LNX1: variants seen among roughly 807,000 people sequenced by gnomAD.
The protein encoded by LNX1 is E3 ubiquitin-protein ligase LNX.
In LNX1, 54 loss-of-function variants were observed where a neutral mutation model predicts 68.4. The observed-to-expected ratio is 0.79, with a 90% CI of 0.63 to 0.99. The LOEUF (loss-of-function observed/expected upper bound fraction) is 0.99, where lower values mean the gene tolerates loss of function less well. Among genes scored for constraint, LNX1 ranks in the 50% least tolerant of loss-of-function variants. LNX1 has a pLI of 0.00. For synonymous variants in LNX1, 336 were observed against 350.0 expected, an observed-to-expected ratio of 0.96 and a Z score of 0.45; for missense variants, 906 against 926.4, an observed-to-expected ratio of 0.98 and a Z score of 0.29.
intron 2 of LNX1, among the ~76,000 whole-genome samples, chr4:53,554,288 G>A (rs567360636): frequency 4.6e-5 from 7 of 152,326 alleles, no homozygotes; most frequent in African/African-American, 1.7e-4. Flanking sequence ...CCAGTTCTGG[G>A]TCTGCTCTTC....
rs746293684 is a variant in LNX1 at position 53,591,466 on chromosome 4, T to A, written c.-165A>T. On this transcript the variant is annotated 5_prime_UTR_variant, in exon 1 of 11. Transcript: ENST00000263925. ...ATTCCTTGTGGGTGAACCGAGCAGCTCCTTGGGCCGCCGGAGTTGTGACCA... is the reference window on the plus strand; with the variant it reads ...ATTCCTTGTGGGTGAACCGAGCAGCACCTTGGGCCGCCGGAGTTGTGACCA... 10 of 985,674 alleles carry A rather than the reference T, an allele frequency of 1.0e-5. No homozygotes were observed. Among genetic ancestry groups the A allele is most frequent in the Non-Finnish European group, 1.2e-5 (10 of 830,194 alleles). The allele number at this position is 985,674 out of a possible 1,614,324, so 61.1% of individuals were successfully genotyped here. A position where few individuals can be genotyped will look rare whatever the true frequency, so the allele number is the denominator to read the frequency against.
intron 1 of LNX1, among the ~76,000 whole-genome samples, chr4:53,574,638 C>CT (rs1194769029): frequency 6.6e-6 from 1 of 152,196 alleles, no homozygotes; most frequent in Non-Finnish European, 1.5e-5. Flanking sequence ...ATGCATTTCA[C>CT]TCAGTTGGTC....
At chr4:53,476,275 G>A (rs1341194859) in intron 9 of LNX1, among the ~76,000 whole-genome samples, 2 of 152,160 alleles carry the variant, frequency 1.3e-5, no homozygotes, top group African/African-American at 4.8e-5. Flanking sequence ...TCTAGCCTGG[G>A]TGACAGAGCA....
intron 1 of LNX1, among the ~76,000 whole-genome samples, chr4:53,623,468 A>G (rs1733960176): frequency 6.6e-6 from 1 of 152,054 alleles, no homozygotes. Flanking sequence ...ACATGAGCTC[A>G]GGTGATCCAC....
upstream of LNX1, among the ~76,000 whole-genome samples, chr4:53,619,273 C>G (rs1733783952): frequency 6.6e-6 from 1 of 152,144 alleles, no homozygotes; most frequent in African/African-American, 2.4e-5. Context: ...AAAATATATA[C>G]AAACACTATT....
intron 1 of LNX1, among the ~76,000 whole-genome samples, chr4:53,638,986 A>G (rs546597164): frequency 3.9e-5 from 6 of 152,324 alleles, no homozygotes; most frequent in African/African-American, 1.2e-4. Context: ...CATTACAGAT[A>G]TATATCCAAA....
At chr4:53,470,224 A>G (rs1227957041) in intron 9 of LNX1, among the ~76,000 whole-genome samples, 1 of 152,196 alleles carries the variant, frequency 6.6e-6, no homozygotes, top group Non-Finnish European at 1.5e-5. Context: ...CATATAAACA[A>G]AACCAAAGAC....
At chr4:53,508,573 C>T (rs1361407288) in intron 2 of LNX1, among the ~76,000 whole-genome samples, 1 of 152,182 alleles carries the variant, frequency 6.6e-6, no homozygotes, top group Non-Finnish European at 1.5e-5. Flanking sequence ...TTCCTGCTTG[C>T]TGGTGTTTAT....
chr4:53,642,854 C>T (rs557056662), intron 1 of LNX1, among the ~76,000 whole-genome samples: 6 of 152,328 alleles, frequency 3.9e-5, no homozygotes, highest in Non-Finnish European at 7.4e-5. Flanking sequence ...CCAGCCATGG[C>T]ATGGAAGCTC....
At chr4:53,638,605 G>A (rs1734566356) in intron 1 of LNX1, among the ~76,000 whole-genome samples, 1 of 152,026 alleles carries the variant, frequency 6.6e-6, no homozygotes, top group African/African-American at 2.4e-5. Flanking sequence ...CCTCATTTTT[G>A]TGCTCTTCAT....
At chr4:53,549,161 C>G (rs768272972) in intron 2 of LNX1, among the ~76,000 whole-genome samples, 6 of 152,092 alleles carry the variant, frequency 3.9e-5, no homozygotes, top group Non-Finnish European at 5.9e-5. Flanking sequence ...CCCCCCAAAT[C>G]TAAAATAAAA....
Position 53,601,334 on chromosome 4 carries a change from C to G in LNX1, c.-214-9819G>C, listed in dbSNP as rs1733005036. 5.3e-5 allele frequency among the ~76,000 whole-genome samples: 8 copies of G among 152,150 alleles called. No individual in the cohort carries two copies. In the South Asian group the frequency reaches 1.7e-3, roughly 32 times the overall value. Reference sequence around the variant, plus strand: ...GGTCCTTCCAGTTGTGGCTGTCCCCCTGAAGTGGCATGGTCCACCCCTCTC... The same window carrying G: ...GGTCCTTCCAGTTGTGGCTGTCCCCGTGAAGTGGCATGGTCCACCCCTCTC... On this transcript the variant is annotated intron_variant, in intron 2 of 3. Coordinates refer to the LNX1 transcript ENST00000504299.
At chr4:53,475,896 C>CT (rs2109402404) in intron 9 of LNX1, among the ~76,000 whole-genome samples, 1 of 152,288 alleles carries the variant, frequency 6.6e-6, no homozygotes, top group East Asian at 1.9e-4. Flanking sequence ...GGAGCAGGCC[C>CT]TAAGGAGAGA....
At chr4:53,578,868 T>A (rs1283082641) in intron 1 of LNX1, among the ~76,000 whole-genome samples, 1 of 152,146 alleles carries the variant, frequency 6.6e-6, no homozygotes, top group East Asian at 1.9e-4. Context: ...GATTATGAGA[T>A]AATTGACTGA....
chr4:53,532,989 C>G (rs1482534151), intron 2 of LNX1, among the ~76,000 whole-genome samples: 1 of 152,206 alleles, frequency 6.6e-6, no homozygotes, highest in Non-Finnish European at 1.5e-5. Context: ...ATATTGTTTT[C>G]CTGGGGTTAC....
chr4:53,471,468 A>G (rs1723178936), intron 9 of LNX1, among the ~76,000 whole-genome samples: 1 of 152,192 alleles, frequency 6.6e-6, no homozygotes, highest in African/African-American at 2.4e-5. Flanking sequence ...AAGCAATGGC[A>G]ACAAAAGCCA....
At chr4:53,494,968 G>A (rs1158558381) in intron 6 of LNX1, among the ~76,000 whole-genome samples, 1 of 152,202 alleles carries the variant, frequency 6.6e-6, no homozygotes. Context: ...ATAGAAAACA[G>A]ATTAGTTATT....
chr4:53,557,901 C>T (rs2109728603), intron 2 of LNX1: 2 of 1,613,254 alleles, frequency 1.2e-6, no homozygotes, highest in Admixed American at 1.7e-5. Flanking sequence ...GTGCAGGTTG[C>T]CCACATTGTC....
intron 2 of LNX1, among the ~76,000 whole-genome samples, chr4:53,541,843 T>G (rs1288228528): frequency 6.6e-6 from 1 of 152,224 alleles, no homozygotes; most frequent in Non-Finnish European, 1.5e-5. Flanking sequence ...AGTGCTAAAC[T>G]ACTTTCAGAT....
Sources: gnomAD v4.1 joint callset for allele counts (sites outside exome capture counted in the v4.1 genomes callset) on GRCh38, gnomAD v4.1.1 for gene constraint, MANE v1.5 for transcripts, NCBI Gene and HGNC (gene_info 2026-07-23, HGNC 2026-07-21) for gene names.